The following GALNT17 variants were observed in gnomAD, a reference collection of about 807,000 sequenced individuals.
The protein encoded by GALNT17 is UDP-GalNAc:polypeptide N-acetylgalactosaminyltransferase-like 3.
In GALNT17, 29 loss-of-function variants were observed where a neutral mutation model predicts 63.7. The ratio of observed to expected loss-of-function variants is 0.46; its 90% CI spans 0.34 to 0.62. GALNT17 has a LOEUF of 0.62. Ranked by LOEUF, GALNT17 falls within the 20% of genes least tolerant of loss-of-function variation. The probability of loss-of-function intolerance (pLI) is 0.01; values close to 1 mark genes in which losing one functional copy is unlikely to be tolerated. For synonymous variants in GALNT17, 305 were observed against 318.3 expected (o/e 0.96, Z 0.45); for missense variants, 603 against 799.6 (o/e 0.75, Z 2.97).
intron 1 of GALNT17, among the ~76,000 whole-genome samples, chr7:71,285,578 A>G (rs540608819): frequency 3.3e-5 from 5 of 152,306 alleles, no homozygotes; most frequent in Middle Eastern, 3.4e-3. Context: ...GTGTGATGGT[A>G]TTAGGGGGTT....
intron 5 of GALNT17, among the ~76,000 whole-genome samples, chr7:71,503,418 G>A (rs1045218743): frequency 6.6e-6 from 1 of 152,090 alleles, no homozygotes; most frequent in African/African-American, 2.4e-5. Context: ...TGTATTTTTA[G>A]TAGAGACAGG....
intron 1 of GALNT17, among the ~76,000 whole-genome samples, chr7:71,188,212 A>G (rs1007192816): frequency 1.3e-5 from 2 of 152,170 alleles, no homozygotes; most frequent in African/African-American, 4.8e-5. Flanking sequence ...TCTTTTTCGT[A>G]TAATGACTTC....
intron 2 of GALNT17, among the ~76,000 whole-genome samples, chr7:71,387,334 G>A (rs1792964494): frequency 6.6e-6 from 1 of 150,902 alleles, no homozygotes; most frequent in Non-Finnish European, 1.5e-5. Context: ...TTTTTGGGGG[G>A]CGGGGAGGGG....
At chr7:71,528,435 G>A (rs950805424) in intron 5 of GALNT17, among the ~76,000 whole-genome samples, 5 of 152,290 alleles carry the variant, frequency 3.3e-5, no homozygotes, top group Middle Eastern at 3.4e-3. Context: ...CCTCCCCAGC[G>A]TAAGGTCATG....
At chr7:71,676,624 G>A (rs1011691776) in intron 8 of GALNT17, among the ~76,000 whole-genome samples, 6 of 152,078 alleles carry the variant, frequency 3.9e-5, no homozygotes, top group Non-Finnish European at 7.4e-5. Context: ...GGGATCAAGC[G>A]ATCCTCCTGC....
chr7:71,643,924 G>A (rs1489305773), intron 6 of GALNT17, among the ~76,000 whole-genome samples: 1 of 152,176 alleles, frequency 6.6e-6, no homozygotes, highest in Non-Finnish European at 1.5e-5. Context: ...AGAAGTGAAT[G>A]GGATGGGGCA....
intron 6 of GALNT17, among the ~76,000 whole-genome samples, chr7:71,596,232 G>A (rs1789883795): frequency 6.6e-6 from 1 of 152,092 alleles, no homozygotes; most frequent in East Asian, 1.9e-4. Context: ...TAGAGACGGG[G>A]TTTCACCATG....
intron 5 of GALNT17, among the ~76,000 whole-genome samples, chr7:71,468,497 G>C (rs1787574465): frequency 6.6e-6 from 1 of 151,942 alleles, no homozygotes; most frequent in Non-Finnish European, 1.5e-5. Flanking sequence ...GATCACTGCA[G>C]CCTCCATCTC....
chr7:71,534,964 T>G (rs1273230846), intron 5 of GALNT17, among the ~76,000 whole-genome samples: 1 of 152,176 alleles, frequency 6.6e-6, no homozygotes, highest in Non-Finnish European at 1.5e-5. Flanking sequence ...CCCAGCTGGT[T>G]GTTTCTGGGA....
intron 5 of GALNT17, among the ~76,000 whole-genome samples, chr7:71,431,429 C>A (rs960420440): frequency 3.3e-5 from 5 of 152,092 alleles, no homozygotes; most frequent in African/African-American, 1.2e-4. Context: ...AGGTTGGTCT[C>A]AAACTCCTAA....
chr7:71,465,786 G>T (rs1255785841), intron 5 of GALNT17, among the ~76,000 whole-genome samples: 1 of 152,180 alleles, frequency 6.6e-6, no homozygotes, highest in East Asian at 1.9e-4. Flanking sequence ...CTGTCTTGAG[G>T]TTATAGAAAG....
chr7:71,217,140 G>GT (rs200574411), intron 1 of GALNT17, among the ~76,000 whole-genome samples: 2,376 of 94,944 alleles, frequency 0.025, 90 homozygotes, highest in Non-Finnish European at 0.033. Flanking sequence ...ATTTTTTCGT[G>GT]TTTTGTTTTT....
At chr7:71,549,722 T>C (rs1026141455) in intron 5 of GALNT17, among the ~76,000 whole-genome samples, 1 of 152,048 alleles carries the variant, frequency 6.6e-6, no homozygotes, top group African/African-American at 2.4e-5. Flanking sequence ...GCTTAGTATA[T>C]GCCAGGCCCA....
chr7:71,605,776 T>C (rs989439486), intron 6 of GALNT17, among the ~76,000 whole-genome samples: 2 of 152,078 alleles, frequency 1.3e-5, no homozygotes, highest in African/African-American at 4.8e-5. Context: ...AGAGAGAGAA[T>C]ACATAGGAAA....
In GALNT17 at chr7:71,308,697, G is replaced by A. The variant is rs1791354444; in HGVS notation, c.239-26853G>A. 3.9e-5 allele frequency among the ~76,000 whole-genome samples: 6 copies of A among 151,946 alleles called. No homozygotes were observed. In the South Asian group the frequency reaches 8.3e-4, roughly 21 times the overall value. ...GACAGGTATTGGGGAAGACAAGCCA[G>A]CAACTGCTCTGGGCTCTGCTTTGGA... On this transcript the variant is annotated intron_variant, in intron 1 of 10. Transcript: ENST00000333538.
At chr7:71,698,807 A>G (rs1791582331) in intron 9 of GALNT17, among the ~76,000 whole-genome samples, 1 of 152,200 alleles carries the variant, frequency 6.6e-6, no homozygotes, top group Non-Finnish European at 1.5e-5. Context: ...CTCTTCAGTT[A>G]AAAGACAGAG....
chr7:71,303,163 T>TTGCC (rs1491343411), intron 1 of GALNT17, among the ~76,000 whole-genome samples: 2 of 8,892 alleles, frequency 2.2e-4, no homozygotes. Context: ...GCACCCAGCC[T>TTGCC]TTTTTTTTTT....
At chr7:71,247,388 T>G (rs1483368114) in intron 1 of GALNT17, among the ~76,000 whole-genome samples, 1 of 152,170 alleles carries the variant, frequency 6.6e-6, no homozygotes, top group Admixed American at 6.5e-5. Flanking sequence ...TTAGAGGTGC[T>G]TACCTCCTTG....
At chr7:71,631,708 C>T (rs562873344) in intron 6 of GALNT17, among the ~76,000 whole-genome samples, 1 of 152,122 alleles carries the variant, frequency 6.6e-6, no homozygotes, top group South Asian at 2.1e-4. Flanking sequence ...CATTTGCCGT[C>T]ATGTAGATCT....
Sources: allele counts gnomAD v4.1 joint callset (sites outside exome capture counted in the v4.1 genomes callset), GRCh38; gene constraint gnomAD v4.1.1; transcripts MANE v1.5; gene names NCBI Gene and HGNC (gene_info 2026-07-23, HGNC 2026-07-21).